Variants in STK32B observed in about 807,000 individuals in gnomAD.
The protein encoded by STK32B is serine/threonine kinase 32B, also known as serine/threonine-protein kinase 32B.
STK32B carries 43 observed loss-of-function variants against 52.6 expected under a neutral mutation model. The ratio of observed to expected loss-of-function variants is 0.82; its 90% confidence interval spans 0.64 to 1.05. The LOEUF is 1.05. Ranked by LOEUF, STK32B falls within the 50% of genes least tolerant of loss-of-function variation. The pLI, the probability that STK32B is intolerant of heterozygous loss-of-function variation, is 0.00. For synonymous variants in STK32B, 238 were observed against 204.3 expected (o/e 1.17, Z -1.41); for missense variants, 621 against 534.6 (o/e 1.16, Z -1.59).
At chr4:5,430,804 G>C (rs1317974690) in intron 6 of STK32B, among the ~76,000 whole-genome samples, 1 of 152,078 alleles carries the variant, frequency 6.6e-6, no homozygotes, top group Non-Finnish European at 1.5e-5. Context: ...TTTAGAGTTG[G>C]GTTTTAGTGT....
At chr4:5,393,624 T>A (rs1257637688) in intron 4 of STK32B, among the ~76,000 whole-genome samples, 1 of 152,068 alleles carries the variant, frequency 6.6e-6, no homozygotes, top group Non-Finnish European at 1.5e-5. Flanking sequence ...GGGGAGGTGC[T>A]ACACACTTTT....
At chr4:5,266,719 G>C (rs1299866725) in intron 3 of STK32B, among the ~76,000 whole-genome samples, 2 of 152,098 alleles carry the variant, frequency 1.3e-5, no homozygotes, top group South Asian at 2.1e-4. Context: ...ATCTGGGTGG[G>C]GGTCCTTTCT....
the STK32B span, among the ~76,000 whole-genome samples, chr4:5,031,539 G>A: frequency 2.0e-5 from 3 of 151,856 alleles, no homozygotes; most frequent in Non-Finnish European, 4.4e-5. Flanking sequence ...GTCGAGGCTG[G>A]AGTGAGCAGT....
At chr4:5,436,563 G>C in intron 6 of STK32B, 1 of 985,264 alleles carries the variant, frequency 1.0e-6, no homozygotes, top group African/African-American at 1.7e-5. Flanking sequence ...TCTGGGTCCA[G>C]AGGCCCAGCT....
intron 3 of STK32B, among the ~76,000 whole-genome samples, chr4:5,255,421 T>A (rs1910387): frequency 0.3 from 46,364 of 152,108 alleles, 12,657 homozygotes; most frequent in African/African-American, 0.74. Flanking sequence ...TAGGTTTTTT[T>A]AAATTTATTT....
At chr4:5,030,951 G>A in the STK32B span, among the ~76,000 whole-genome samples, 1 of 152,128 alleles carries the variant, frequency 6.6e-6, no homozygotes, top group Non-Finnish European at 1.5e-5. Context: ...TTAAGTAATT[G>A]AGTCAATTAA....
chr4:5,243,769 T>C (rs550142891), intron 3 of STK32B, among the ~76,000 whole-genome samples: 78 of 152,274 alleles, frequency 5.1e-4, no homozygotes, highest in African/African-American at 1.9e-3. Flanking sequence ...ACCTAATTTA[T>C]TGAGAGTTTT....
At chr4:5,361,869 A>G (rs1734568844) in intron 4 of STK32B, among the ~76,000 whole-genome samples, 2 of 152,236 alleles carry the variant, frequency 1.3e-5, no homozygotes, top group Non-Finnish European at 2.9e-5. Context: ...GGAGATGGCT[A>G]CAAATATTAA....
intron 3 of STK32B, among the ~76,000 whole-genome samples, chr4:5,234,768 A>G (rs1385718196): frequency 6.6e-6 from 1 of 152,260 alleles, no homozygotes; most frequent in Non-Finnish European, 1.5e-5. Context: ...AAGAAATTGG[A>G]ACAGAAAAGT....
intron 3 of STK32B, among the ~76,000 whole-genome samples, chr4:5,212,279 GAC>G (rs1722952214): frequency 6.6e-6 from 1 of 152,164 alleles, no homozygotes; most frequent in Non-Finnish European, 1.5e-5. Context: ...TGTCTAACAT[GAC>G]ACAGCTACCA....
At chr4:5,299,897 T>TC (rs1297411997) in intron 3 of STK32B, among the ~76,000 whole-genome samples, 1 of 152,102 alleles carries the variant, frequency 6.6e-6, no homozygotes, top group African/African-American at 2.4e-5. Context: ...CTGAAACTAT[T>TC]CCAAAAATTA....
chr4:5,132,532 C>T (rs1331557768), intron 1 of STK32B, among the ~76,000 whole-genome samples: 1 of 152,038 alleles, frequency 6.6e-6, no homozygotes, highest in Non-Finnish European at 1.5e-5. Context: ...GATGTGACAA[C>T]CAAAGCAGAA....
intron 11 of STK32B, among the ~76,000 whole-genome samples, chr4:5,496,876 A>G (rs926788927): frequency 3.9e-5 from 6 of 152,088 alleles, no homozygotes; most frequent in Admixed American, 2.6e-4. Flanking sequence ...AGTGTTCTTC[A>G]TAGATATTAT....
intron 3 of STK32B, among the ~76,000 whole-genome samples, chr4:5,317,485 T>C (rs1482326724): frequency 3.5e-5 from 2 of 57,766 alleles, no homozygotes; most frequent in Non-Finnish European, 6.3e-5. Context: ...ATATATTACA[T>C]ATATATAATA....
intron 7 of STK32B, among the ~76,000 whole-genome samples, chr4:5,447,598 T>C (rs1017671410): frequency 6.6e-5 from 10 of 152,204 alleles, no homozygotes; most frequent in Non-Finnish European, 1.5e-4. Flanking sequence ...ATGGCACCAC[T>C]GCACTCTAGC....
chr4:5,192,252 G>T (rs544859466), intron 3 of STK32B, among the ~76,000 whole-genome samples: 1 of 152,152 alleles, frequency 6.6e-6, no homozygotes, highest in South Asian at 2.1e-4. Flanking sequence ...GACATTCCTC[G>T]TGTTATTGAA....
At chr4:5,114,844 G>A (rs1292862196) in intron 1 of STK32B, among the ~76,000 whole-genome samples, 1 of 152,102 alleles carries the variant, frequency 6.6e-6, no homozygotes, top group Non-Finnish European at 1.5e-5. Context: ...TCCACGGGGT[G>A]GTGCCATGCT....
chr4:5,153,269 C>A (rs1717522257), intron 2 of STK32B, among the ~76,000 whole-genome samples: 2 of 152,130 alleles, frequency 1.3e-5, no homozygotes, highest in Non-Finnish European at 2.9e-5. Flanking sequence ...GGAGGTCTGG[C>A]TCTGGGTCAG....
intron 3 of STK32B, among the ~76,000 whole-genome samples, chr4:5,223,477 C>G (rs1723665196): frequency 1.3e-5 from 2 of 152,018 alleles, no homozygotes; most frequent in South Asian, 2.1e-4. Context: ...GGGGTGGGGT[C>G]CCCTGCAGCC....
Sources: allele counts gnomAD v4.1 joint callset (sites outside exome capture counted in the v4.1 genomes callset), GRCh38; gene constraint gnomAD v4.1.1; transcripts MANE v1.5; gene names NCBI Gene and HGNC (gene_info 2026-07-23, HGNC 2026-07-21).